Variants in LUC7L2 observed in about 807,000 individuals in gnomAD.
LUC7L2 encodes putative RNA-binding protein Luc7-like 2.
A neutral mutation model predicts 52.8 loss-of-function variants in LUC7L2; 25 were observed. That is an observed-to-expected ratio of 0.47 (90% CI 0.34 to 0.66). The LOEUF (loss-of-function observed/expected upper bound fraction) is 0.66. Ranked by LOEUF, LUC7L2 falls within the 30% of genes least tolerant of loss-of-function variation. The pLI is 0.01. For missense variants in LUC7L2, 328 were observed against 497.8 expected (o/e 0.66, Z 3.25); for synonymous variants, 144 against 160.9 (o/e 0.89, Z 0.80).
intron 1 of LUC7L2, among the ~76,000 whole-genome samples, chr7:139,365,299 A>G (rs544674974): frequency 2.6e-5 from 4 of 152,328 alleles, no homozygotes; most frequent in Admixed American, 2.0e-4. Flanking sequence ...AAGTAAGCAT[A>G]TGCTTCTGAG....
chr7:139,401,880 G>C (rs1357810199), intron 3 of LUC7L2, among the ~76,000 whole-genome samples: 1 of 151,600 alleles, frequency 6.6e-6, no homozygotes, highest in African/African-American at 2.4e-5. Context: ...TCAGCCTCCC[G>C]AGAAGCTGAG....
chr7:139,365,951 G>A (rs1800130040), intron 1 of LUC7L2, among the ~76,000 whole-genome samples: 1 of 152,180 alleles, frequency 6.6e-6, no homozygotes, highest in Non-Finnish European at 1.5e-5. Context: ...GATATTGGAA[G>A]GCAGGGCCAA....
intron 5 of LUC7L2, among the ~76,000 whole-genome samples, 186 bp downstream of exon 5, chr7:139,405,973 T>A (rs1795095417): frequency 6.6e-6 from 1 of 152,196 alleles, no homozygotes; most frequent in African/African-American, 2.4e-5. Flanking sequence ...AAAAAGCTGG[T>A]TGTGGTGGTG....
upstream of LUC7L2, chr7:139,359,748 G>A (rs966240792): frequency 2.5e-6 from 1 of 400,196 alleles, no homozygotes; most frequent in Non-Finnish European, 4.4e-6. Context: ...CGCGAGATCC[G>A]GGGTAAAGGG....
intron 2 of LUC7L2, among the ~76,000 whole-genome samples, chr7:139,376,984 A>G (rs867604975): frequency 6.6e-6 from 1 of 152,336 alleles, no homozygotes; most frequent in Non-Finnish European, 1.5e-5. Context: ...AATTAAGGAC[A>G]TGCCCCAAAG....
chr7:139,389,920 CAG>C (rs1569381409), intron 2 of LUC7L2, among the ~76,000 whole-genome samples: 1 of 152,128 alleles, frequency 6.6e-6, no homozygotes, highest in African/African-American at 2.4e-5. Flanking sequence ...CTTGAGAAAA[CAG>C]AAGTTCAGCT....
At chr7:139,370,194 G>T (rs1800372924) in intron 1 of LUC7L2, among the ~76,000 whole-genome samples, 1 of 152,090 alleles carries the variant, frequency 6.6e-6, no homozygotes, top group African/African-American at 2.4e-5. Context: ...ATATACAGTG[G>T]GTTAAACTGA....
intron 1 of LUC7L2, chr7:139,341,431 G>C (rs201970386): frequency 1.5e-4 from 246 of 1,613,440 alleles, no homozygotes; most frequent in Middle Eastern, 1.5e-3. Context: ...GGACTTCTGC[G>C]GGAGTTGCGC....
chr7:139,359,504 C>T (rs1799740734), upstream of LUC7L2: 2 of 228,516 alleles, frequency 8.8e-6, no homozygotes, highest in Non-Finnish European at 1.7e-5. Flanking sequence ...CCCGAGCACG[C>T]CCACCTCAGA....
chr7:139,405,914 G>A, intron 5 of LUC7L2, 127 bp downstream of exon 5: 1 of 1,322,890 alleles, frequency 7.6e-7, no homozygotes, highest in South Asian at 2.0e-5. Context: ...TTATTGAACA[G>A]TTGTTAAAGA....
intron 1 of LUC7L2, chr7:139,374,429 A>T: frequency 6.4e-7 from 1 of 1,550,914 alleles, no homozygotes; most frequent in Non-Finnish European, 8.7e-7. Context: ...TGCCTACCTC[A>T]ATCTGCAAGG....
chr7:139,417,229 C>CA (rs2116330175), intron 8 of LUC7L2: 1 of 242,960 alleles, frequency 4.1e-6, no homozygotes, highest in African/African-American at 2.2e-5. Context: ...TTTATAGAGA[C>CA]AGAGTTTCGC....
At chr7:139,342,764 A>G (rs1471895220) in intron 1 of LUC7L2, among the ~76,000 whole-genome samples, 1 of 152,114 alleles carries the variant, frequency 6.6e-6, no homozygotes, top group African/African-American at 2.4e-5. Context: ...ACCTGGCCCC[A>G]TTCTAAGATT....
Position 139,341,229 on chromosome 7 carries a change from G to T in LUC7L2, c.-26+712G>T, listed in dbSNP as rs561566891. 163 of 1,336,020 alleles carry T rather than the reference G, an allele frequency of 1.2e-4. 1 individual carries two copies. Among genetic ancestry groups the T allele is most frequent in the Middle Eastern group, 5.5e-4 (2 of 3,614 alleles). The allele number at this position is 1,336,020 out of a possible 1,614,324, so 82.8% of individuals were successfully genotyped here. On this transcript the variant is annotated intron_variant, in intron 1 of 10. Transcript: ENST00000541170. ...CGCCCCTGGGCCTTCGATTAATAAG[G>T]TTCGGTCAACGGACAAGTGAGCGGT... is the stretch of plus-strand genomic sequence containing the variant.
chr7:139,356,309 T>G (rs1389030144), upstream of LUC7L2, among the ~76,000 whole-genome samples: 1 of 103,678 alleles, frequency 9.6e-6, no homozygotes. Flanking sequence ...AGCAAGACCC[T>G]ATCTCAAAAA....
At chr7:139,384,326 C>CTATTTGTAGGAGCAATCATG in intron 2 of LUC7L2, among the ~76,000 whole-genome samples, 1 of 151,384 alleles carries the variant, frequency 6.6e-6, no homozygotes, top group East Asian at 2.0e-4. Context: ...AGTGCAGTGG[C>CTATTTGTAGGAGCAATCATG]GTGATCGTGG....
intron 9 of LUC7L2, among the ~76,000 whole-genome samples, chr7:139,419,872 G>A (rs987111562): frequency 1.3e-5 from 2 of 152,072 alleles, no homozygotes; most frequent in African/African-American, 2.4e-5. Context: ...CTCTTTTAAA[G>A]CATCATTCTT....
rs532822476 is a variant in LUC7L2 at position 139,345,757 on chromosome 7, A to G, written c.-26+5240A>G. ...TTCATAGGAGAATTGAATAATTTCT[A>G]TCAATATGTATTTATCATTAAATTT... is the stretch of plus-strand genomic sequence containing the variant. On this transcript the variant is annotated intron_variant, in intron 1 of 10. Transcript: ENST00000541170. The G allele has an allele frequency of 5.9e-6, 9 of 1,520,618 alleles. No individual in the cohort carries two copies. In the African/African-American group the frequency reaches 9.8e-5, roughly 17 times the overall value. 94.2% of individuals were successfully genotyped at this position (1,520,618 alleles called of 1,614,324 possible).
At chr7:139,385,924 A>G (rs771856838) in intron 2 of LUC7L2, among the ~76,000 whole-genome samples, 32 of 152,238 alleles carry the variant, frequency 2.1e-4, no homozygotes, top group Non-Finnish European at 4.4e-4. Context: ...TTGTTGAAAA[A>G]GGGAATATGG....
Sources: allele counts gnomAD v4.1 joint callset (sites outside exome capture counted in the v4.1 genomes callset), GRCh38; gene constraint gnomAD v4.1.1; transcripts MANE v1.5; gene names NCBI Gene and HGNC (gene_info 2026-07-23, HGNC 2026-07-21).